The following LDB2 variants were observed in gnomAD, a reference collection of about 807,000 sequenced individuals.
The protein encoded by LDB2 is LIM domain binding 2, also known as LIM domain-binding protein 2.
A neutral mutation model predicts 44.3 loss-of-function variants in LDB2; 12 were observed. The ratio of observed to expected loss-of-function variants is 0.27; its 90% confidence interval spans 0.17 to 0.44. The LOEUF is 0.44. Among genes scored for constraint, LDB2 ranks in the 20% least tolerant of loss-of-function variants. The probability of loss-of-function intolerance (pLI) is 1.00; values close to 1 mark genes in which losing one functional copy is unlikely to be tolerated. For synonymous variants in LDB2, 164 were observed against 174.8 expected (o/e 0.94, Z 0.49); for missense variants, 344 against 473.5 (o/e 0.73, Z 2.54).
At chr4:16,595,925 GC>G in intron 2 of LDB2, 50 bp from the exon 3 acceptor site, 1 of 1,558,334 alleles carries the variant, frequency 6.4e-7, no homozygotes, top group Non-Finnish European at 8.8e-7. Context: ...TATCCCACCA[GC>G]CCCACACACC....
chr4:16,707,884 A>T (rs1487996399), intron 2 of LDB2, among the ~76,000 whole-genome samples: 1 of 152,200 alleles, frequency 6.6e-6, no homozygotes, highest in Non-Finnish European at 1.5e-5. Context: ...GACCTTTTAC[A>T]GAGGCCCATG....
chr4:16,745,466 T>C (rs573388394), intron 2 of LDB2, among the ~76,000 whole-genome samples: 13 of 152,336 alleles, frequency 8.5e-5, no homozygotes, highest in African/African-American at 2.9e-4. Flanking sequence ...ATCCAAAGTT[T>C]AGCAAATTCA....
At chr4:16,821,764 A>AAAAAAAAAAAAAAAAAC in intron 1 of LDB2, among the ~76,000 whole-genome samples, 1 of 150,262 alleles carries the variant, frequency 6.7e-6, no homozygotes, top group Non-Finnish European at 1.5e-5. Context: ...AAAAAAAAAA[A>AAAAAAAAAAAAAAAAAC]AAAAAATCAG....
intron 5 of LDB2, among the ~76,000 whole-genome samples, chr4:16,540,565 G>A (rs970372248): frequency 2.0e-4 from 31 of 152,002 alleles, no homozygotes; most frequent in African/African-American, 4.8e-4. Flanking sequence ...ACTTAGAGTC[G>A]CTGGCTATGT....
chr4:16,846,753 G>A (rs1787093762), intron 1 of LDB2, among the ~76,000 whole-genome samples: 1 of 152,110 alleles, frequency 6.6e-6, no homozygotes, highest in Non-Finnish European at 1.5e-5. Context: ...ATGAAAATGG[G>A]GCTCTCCTTT....
At position 16,518,486 on chromosome 4, in the gene LDB2, T is replaced by TG. The variant is rs201411453; in HGVS notation, c.616-6383_616-6382insC. ...TTGCTCAGACCTTTGCTTGTGTTGT[T>TG]TTTTTTTTCGCTTTTAAAAGGCCTT... is the stretch of plus-strand genomic sequence containing the variant. On this transcript the variant is annotated intron_variant, in intron 5 of 7. Coordinates refer to ENST00000304523, the MANE Select transcript of LDB2 (RefSeq NM_001290.5). Among the ~76,000 whole-genome samples, 801 of 150,314 alleles carry TG rather than the reference T, an allele frequency of 5.3e-3. 41 individuals are homozygous for TG. In the East Asian group the frequency reaches 0.12, roughly 22 times the overall value.
intron 2 of LDB2, among the ~76,000 whole-genome samples, chr4:16,727,529 A>G (rs1759784138): frequency 6.6e-6 from 1 of 152,076 alleles, no homozygotes; most frequent in Non-Finnish European, 1.5e-5. Flanking sequence ...GCATCTCTGA[A>G]CCCCTTTTTG....
At chr4:16,700,406 G>A (rs746399076) in intron 2 of LDB2, among the ~76,000 whole-genome samples, 11 of 152,114 alleles carry the variant, frequency 7.2e-5, no homozygotes, top group Non-Finnish European at 1.2e-4. Context: ...TATGTAAGAA[G>A]ATATTCTTAT....
At chr4:16,685,869 C>T (rs977170066) in intron 2 of LDB2, among the ~76,000 whole-genome samples, 11 of 152,022 alleles carry the variant, frequency 7.2e-5, no homozygotes, top group East Asian at 3.9e-4. Flanking sequence ...GCCAACACAG[C>T]GAAATCCCGT....
chr4:16,842,130 C>T (rs941895421), intron 1 of LDB2, among the ~76,000 whole-genome samples: 1 of 152,180 alleles, frequency 6.6e-6, no homozygotes, highest in Non-Finnish European at 1.5e-5. Context: ...CTACTCCACA[C>T]ATTATTTTTT....
chr4:16,660,733 C>T (rs1741343999), intron 2 of LDB2, among the ~76,000 whole-genome samples: 1 of 152,152 alleles, frequency 6.6e-6, no homozygotes, highest in Non-Finnish European at 1.5e-5. Context: ...TAAATGACAT[C>T]AACAATCCCT....
At chr4:16,548,352 T>C (rs920972068) in intron 5 of LDB2, among the ~76,000 whole-genome samples, 12 of 152,146 alleles carry the variant, frequency 7.9e-5, no homozygotes, top group Non-Finnish European at 1.6e-4. Context: ...TCCCAAATCT[T>C]TCCTTCATCT....
intron 2 of LDB2, among the ~76,000 whole-genome samples, chr4:16,688,922 G>T (rs532806598): frequency 6.6e-6 from 1 of 152,218 alleles, no homozygotes; most frequent in Non-Finnish European, 1.5e-5. Context: ...ATCAGGCAAA[G>T]TCTATCCAAA....
At chr4:16,687,511 C>T (rs1367163691) in intron 2 of LDB2, among the ~76,000 whole-genome samples, 1 of 152,134 alleles carries the variant, frequency 6.6e-6, no homozygotes, top group Non-Finnish European at 1.5e-5. Flanking sequence ...GCCACCCAGT[C>T]TGCACAGCAG....
At chr4:16,781,326 G>A (rs1446299524) in intron 1 of LDB2, among the ~76,000 whole-genome samples, 1 of 152,192 alleles carries the variant, frequency 6.6e-6, no homozygotes, top group Non-Finnish European at 1.5e-5. Flanking sequence ...TTGAGAATGA[G>A]TCTTCACAGA....
At chr4:16,526,337 C>T (rs958534111) in intron 5 of LDB2, among the ~76,000 whole-genome samples, 1 of 152,172 alleles carries the variant, frequency 6.6e-6, no homozygotes, top group South Asian at 2.1e-4. Context: ...AGGCAGTGCT[C>T]CCCCGACCCC....
chr4:16,539,890 C>T (rs1733167629), intron 5 of LDB2, among the ~76,000 whole-genome samples: 2 of 152,174 alleles, frequency 1.3e-5, no homozygotes, highest in African/African-American at 4.8e-5. Flanking sequence ...TGTATTAGTC[C>T]ATTCTCACAT....
At chr4:16,590,346 A>G (rs962772752) in intron 3 of LDB2, among the ~76,000 whole-genome samples, 11 of 152,270 alleles carry the variant, frequency 7.2e-5, no homozygotes, top group African/African-American at 2.7e-4. Context: ...AAATAAATGA[A>G]TAAGTAAAAA....
chr4:16,541,281 T>A (rs1733675768), intron 5 of LDB2, among the ~76,000 whole-genome samples: 2 of 151,900 alleles, frequency 1.3e-5, no homozygotes, highest in African/African-American at 4.8e-5. Context: ...TTTTATGAGA[T>A]CTGGTTGTTG....
Sources: gnomAD v4.1 joint callset for allele counts (sites outside exome capture counted in the v4.1 genomes callset) on GRCh38, gnomAD v4.1.1 for gene constraint, MANE v1.5 for transcripts, NCBI Gene and HGNC (gene_info 2026-07-23, HGNC 2026-07-21) for gene names.